Variants in GSK3B observed in about 807,000 individuals in gnomAD.
The protein encoded by GSK3B is glycogen synthase kinase 3 beta.
A neutral mutation model predicts 56.4 loss-of-function variants in GSK3B; 15 were observed. That is an observed-to-expected ratio of 0.27 (90% CI 0.18 to 0.41). GSK3B has a LOEUF of 0.41. Ranked by LOEUF, GSK3B falls within the 10% of genes least tolerant of loss-of-function variation. The pLI, the probability that GSK3B is intolerant of heterozygous loss-of-function variation, is 1.00. For missense variants in GSK3B, 300 were observed against 513.4 expected (o/e 0.58, Z 4.02); for synonymous variants, 181 against 188.9 (o/e 0.96, Z 0.34).
At chr3:120,034,985 C>T (rs957349259) in intron 1 of GSK3B, among the ~76,000 whole-genome samples, 4 of 151,902 alleles carry the variant, frequency 2.6e-5, no homozygotes, top group South Asian at 2.1e-4. Flanking sequence ...CCCAGCTACT[C>T]GGGTGGCTAA....
At chr3:119,984,818 G>A (rs540241716) in intron 2 of GSK3B, among the ~76,000 whole-genome samples, 9 of 152,232 alleles carry the variant, frequency 5.9e-5, no homozygotes, top group African/African-American at 2.2e-4. Context: ...AAAAAGAGGG[G>A]ATCCACCCTG....
chr3:120,081,218 CTCTT>C (rs1348271830), intron 1 of GSK3B, among the ~76,000 whole-genome samples: 1 of 151,586 alleles, frequency 6.6e-6, no homozygotes, highest in East Asian at 1.9e-4. Context: ...TACTCTATGT[CTCTT>C]TCCTTTCCCT....
At chr3:120,068,714 T>C (rs527454154) in intron 1 of GSK3B, among the ~76,000 whole-genome samples, 1 of 151,202 alleles carries the variant, frequency 6.6e-6, no homozygotes, top group African/African-American at 2.4e-5. Context: ...AATAAATAAA[T>C]AAATAAATAA....
intron 1 of GSK3B, among the ~76,000 whole-genome samples, chr3:120,022,808 A>T (rs1213385370): frequency 6.6e-6 from 1 of 152,224 alleles, no homozygotes; most frequent in Non-Finnish European, 1.5e-5. Flanking sequence ...CTGCACTCAC[A>T]GTGGGTCTAC....
At chr3:119,960,636 T>G (rs1231019628) in intron 2 of GSK3B, among the ~76,000 whole-genome samples, 2 of 152,214 alleles carry the variant, frequency 1.3e-5, no homozygotes, top group East Asian at 3.8e-4. Flanking sequence ...TATCTGAATA[T>G]CAGCCCCCCT....
At chr3:120,026,597 A>G (rs954407336) in intron 1 of GSK3B, among the ~76,000 whole-genome samples, 3 of 147,498 alleles carry the variant, frequency 2.0e-5, no homozygotes, top group Admixed American at 1.4e-4. Flanking sequence ...ACGGAGTCTC[A>G]CTCTGTTGCC....
intron 2 of GSK3B, among the ~76,000 whole-genome samples, chr3:119,985,755 C>T (rs1048574979): frequency 1.3e-5 from 2 of 152,212 alleles, no homozygotes; most frequent in African/African-American, 4.8e-5. Context: ...AACGGCCATA[C>T]TGCCCAAAGT....
At chr3:119,857,731 C>G (rs568897850) in intron 9 of GSK3B, among the ~76,000 whole-genome samples, 1 of 152,258 alleles carries the variant, frequency 6.6e-6, no homozygotes, top group Admixed American at 6.5e-5. Context: ...AATGGTGAAT[C>G]CTTTCCAGAA....
chr3:119,995,034 A>G (rs964400891), intron 2 of GSK3B, among the ~76,000 whole-genome samples: 7 of 151,564 alleles, frequency 4.6e-5, no homozygotes, highest in Admixed American at 6.6e-5. Flanking sequence ...CAAACATTTC[A>G]GGAAATAATA....
At chr3:119,960,590 G>C (rs758448991) in intron 2 of GSK3B, among the ~76,000 whole-genome samples, 1 of 152,172 alleles carries the variant, frequency 6.6e-6, no homozygotes, top group Non-Finnish European at 1.5e-5. Context: ...TTTTACCCAT[G>C]TGGGATTTCT....
intron 2 of GSK3B, among the ~76,000 whole-genome samples, chr3:119,987,192 G>A (rs188943876): frequency 1.6e-4 from 24 of 152,284 alleles, no homozygotes; most frequent in East Asian, 5.8e-4. Flanking sequence ...GAGGGACTGC[G>A]GGGAGGGATA....
At chr3:120,045,538 A>G (rs1195551728) in intron 1 of GSK3B, among the ~76,000 whole-genome samples, 1 of 152,124 alleles carries the variant, frequency 6.6e-6, no homozygotes, top group African/African-American at 2.4e-5. Context: ...CAATCAAGTC[A>G]GCTTAAATTG....
At chr3:119,837,194 G>A (rs529944268) in intron 10 of GSK3B, among the ~76,000 whole-genome samples, 32 of 152,282 alleles carry the variant, frequency 2.1e-4, no homozygotes, top group Non-Finnish European at 3.5e-4. Flanking sequence ...TTGCTCTGTT[G>A]CCCATGCTGG....
At chr3:120,005,007 G>A (rs1020397505) in intron 1 of GSK3B, among the ~76,000 whole-genome samples, 2 of 152,102 alleles carry the variant, frequency 1.3e-5, no homozygotes. Flanking sequence ...CTAACCCATT[G>A]CAAGGAAGCT....
intron 1 of GSK3B, chr3:120,041,321 C>T (rs16830683): frequency 0.097 from 29,266 of 302,540 alleles, 1,684 homozygotes; most frequent in African/African-American, 0.17. Context: ...ATATATCCAC[C>T]GGCATTTATT....
At chr3:119,856,278 T>C (rs2108025477) in intron 9 of GSK3B, among the ~76,000 whole-genome samples, 1 of 152,340 alleles carries the variant, frequency 6.6e-6, no homozygotes, top group East Asian at 1.9e-4. Flanking sequence ...TGACTTACTC[T>C]TTGCTCCTGC....
At chr3:120,007,535 C>T (rs1160849837) in intron 1 of GSK3B, among the ~76,000 whole-genome samples, 2 of 152,142 alleles carry the variant, frequency 1.3e-5, no homozygotes, top group Non-Finnish European at 2.9e-5. Flanking sequence ...ACTGGCAAAT[C>T]GAAACCAGCA....
intron 3 of GSK3B, among the ~76,000 whole-genome samples, chr3:119,943,780 G>C (rs560242654): frequency 6.6e-6 from 1 of 151,842 alleles, no homozygotes; most frequent in African/African-American, 2.4e-5. Context: ...AGAGAAAAAG[G>C]GTGTGGGGGA....
chr3:119,914,242 C>A (rs2056761359), intron 5 of GSK3B, among the ~76,000 whole-genome samples: 1 of 151,936 alleles, frequency 6.6e-6, no homozygotes, highest in Non-Finnish European at 1.5e-5. Flanking sequence ...GTATTTTGTT[C>A]AAATTACCAA....
Sources: allele counts gnomAD v4.1 joint callset (sites outside exome capture counted in the v4.1 genomes callset), GRCh38; gene constraint gnomAD v4.1.1; transcripts MANE v1.5; gene names NCBI Gene and HGNC (gene_info 2026-07-23, HGNC 2026-07-21).